Variants in RYR2 observed in about 807,000 individuals in gnomAD.
The protein encoded by RYR2 is cardiac muscle ryanodine receptor-calcium release channel.
In RYR2, 227 loss-of-function variants were observed where a neutral mutation model predicts 601.1. That is an observed-to-expected ratio of 0.38 (90% CI 0.34 to 0.42). The LOEUF (loss-of-function observed/expected upper bound fraction) is 0.42, where lower values mean the gene tolerates loss of function less well. Ranked by LOEUF, RYR2 falls within the 10% of genes least tolerant of loss-of-function variation. The pLI is 1.00. For missense variants in RYR2, 4,646 were observed against 6,156.5 expected (o/e 0.75, Z 8.21); for synonymous variants, 2,223 against 2,175.1 (o/e 1.02, Z -0.61).
At chr1:237,812,960 C>T (rs538603215) in intron 100 of RYR2, among the ~76,000 whole-genome samples, 2 of 151,696 alleles carry the variant, frequency 1.3e-5, no homozygotes, top group Non-Finnish European at 1.5e-5. Context: ...AAGACTGACC[C>T]GTTACTAGTG....
chr1:237,631,774 C>T (rs185595401), intron 42 of RYR2, among the ~76,000 whole-genome samples: 109 of 151,574 alleles, frequency 7.2e-4, no homozygotes, highest in Admixed American at 1.4e-3. Flanking sequence ...ATTAGAGGCG[C>T]CCGCCACCTC....
At chr1:237,709,186 A>G (rs1485080755) in intron 69 of RYR2, 88 bp downstream of exon 69, 10 of 1,240,692 alleles carry the variant, frequency 8.1e-6, no homozygotes, top group African/African-American at 3.0e-5. Context: ...TTCATTCACT[A>G]TTTTGCCATG....
intron 1 of RYR2, among the ~76,000 whole-genome samples, chr1:237,145,234 GA>G (rs1281304596): frequency 2.0e-5 from 3 of 151,164 alleles, no homozygotes; most frequent in East Asian, 3.9e-4. Flanking sequence ...AAAAAAAAAA[GA>G]AAAAAAGAAA....
intron 29 of RYR2, among the ~76,000 whole-genome samples, chr1:237,580,712 G>C (rs1022876269): frequency 9.9e-5 from 15 of 152,078 alleles, no homozygotes; most frequent in African/African-American, 3.4e-4. Flanking sequence ...TTAGAGATGG[G>C]GCCTTTAAAG....
At chr1:237,269,334 C>T (rs985740698) in intron 1 of RYR2, among the ~76,000 whole-genome samples, 13 of 151,664 alleles carry the variant, frequency 8.6e-5, no homozygotes, top group Non-Finnish European at 1.3e-4. Flanking sequence ...TGAGCCACCG[C>T]GCCCGGCCAT....
chr1:237,244,440 A>G (rs924195613), intron 1 of RYR2, among the ~76,000 whole-genome samples: 5 of 152,076 alleles, frequency 3.3e-5, no homozygotes, highest in African/African-American at 1.2e-4. Context: ...TCTATCAGTC[A>G]CGTGTAGAGT....
chr1:237,555,987 C>T (rs1233916259), intron 27 of RYR2, among the ~76,000 whole-genome samples: 3 of 152,110 alleles, frequency 2.0e-5, no homozygotes, highest in African/African-American at 4.8e-5. Context: ...TTCAGTGACA[C>T]ATGATACATT....
At chr1:237,295,796 A>G (rs1467375800) in intron 2 of RYR2, among the ~76,000 whole-genome samples, 1 of 152,184 alleles carries the variant, frequency 6.6e-6, no homozygotes, top group Non-Finnish European at 1.5e-5. Context: ...TTTAAAATAT[A>G]TTTGTTATAT....
intron 10 of RYR2, among the ~76,000 whole-genome samples, chr1:237,416,039 G>T (rs974395601): frequency 6.6e-6 from 1 of 152,166 alleles, no homozygotes. Flanking sequence ...AACAGGTAGG[G>T]AACGGCAGGT....
intron 1 of RYR2, among the ~76,000 whole-genome samples, chr1:237,160,378 G>C (rs1675871527): frequency 6.6e-6 from 1 of 151,926 alleles, no homozygotes; most frequent in African/African-American, 2.4e-5. Flanking sequence ...CTTTAGTATT[G>C]CTTCTAAATT....
At chr1:237,261,174 T>G (rs1017398813) in intron 1 of RYR2, among the ~76,000 whole-genome samples, 5 of 152,230 alleles carry the variant, frequency 3.3e-5, no homozygotes, top group Non-Finnish European at 7.3e-5. Context: ...AACGCATATC[T>G]AGAATTTGAT....
At chr1:237,270,298 C>T in intron 1 of RYR2, 199 bp from the exon 2 acceptor site, 3 of 740,032 alleles carry the variant, frequency 4.1e-6, no homozygotes, top group Non-Finnish European at 7.0e-6. Flanking sequence ...TTCCCCTACT[C>T]AGTTGCCTTT....
Position 237,833,839 on chromosome 1 carries a change from C to T in RYR2, c.*1192C>T, listed in dbSNP as rs530941757. ...TCACTCCATTTTTTCCATTTTGAGTCCTTTTAAATGTAATGCTAACCTTTA... is the reference window on the plus strand; with the variant it reads ...TCACTCCATTTTTTCCATTTTGAGTTCTTTTAAATGTAATGCTAACCTTTA... On this transcript the variant is annotated 3_prime_UTR_variant, in exon 105 of 105. Coordinates refer to ENST00000366574, the MANE Select transcript of RYR2 (RefSeq NM_001035.3). 1 of 152,574 alleles carries T rather than the reference C, an allele frequency of 6.6e-6. No homozygotes were observed. Among genetic ancestry groups the T allele is most frequent in the Non-Finnish European group, 1.5e-5 (1 of 68,020 alleles). 9.5% of individuals were successfully genotyped at this position (152,574 alleles called of 1,614,324 possible). A position where few individuals can be genotyped will look rare whatever the true frequency, so the allele number is the denominator to read the frequency against.
At chr1:237,371,186 C>T (rs1700615250) in intron 6 of RYR2, among the ~76,000 whole-genome samples, 1 of 151,194 alleles carries the variant, frequency 6.6e-6, no homozygotes, top group South Asian at 2.1e-4. Context: ...GAGATAGGGT[C>T]TTGCTGTCAC....
chr1:237,299,899 A>G (rs1693183472), intron 2 of RYR2, among the ~76,000 whole-genome samples: 1 of 152,150 alleles, frequency 6.6e-6, no homozygotes, highest in Admixed American at 6.6e-5. Context: ...TTTAATCTGG[A>G]GTAGTGTTTA....
Position 237,569,158 on chromosome 1 carries a change from A to G in RYR2, c.3437A>G (p.His1146Arg). ...AFDGFKAQRW[H>R]QGNEHYGRSW... ...TCCTCTGTATAGGCCCAGCGGTGGC[A>G]TCAGGGCAATGAACACTATGGGCGC... is the stretch of plus-strand genomic sequence containing the variant. Residue 1146 changes from histidine (H) to arginine (R), a missense_variant, in exon 29 of 105, where the codon CAT (histidine) becomes CGT (arginine). By Grantham distance (29) the His-to-Arg change is conservative. Coordinates refer to ENST00000366574, the MANE Select transcript of RYR2 (RefSeq NM_001035.3). 1.2e-6 allele frequency: 2 copies of G among 1,613,700 alleles called. No individual in the cohort carries two copies. Among genetic ancestry groups the G allele is most frequent in the Non-Finnish European group, 8.5e-7 (1 of 1,179,748 alleles).
rs757750745 is a variant in RYR2, at chr1:237,634,848, G to T, written c.6689-41G>T. 1.4e-5 allele frequency: 21 copies of T among 1,474,202 alleles called. No homozygotes were observed. In the African/African-American group the frequency reaches 2.9e-4, roughly 21 times the overall value. 91.3% of individuals were successfully genotyped at this position (1,474,202 alleles called of 1,614,324 possible). ...TTTTTGTATGGAGTTTATAGTTACA[G>T]CACGATCCAGGTTATATTTCATCTT... On this transcript the variant is annotated intron_variant, in intron 43 of 104. Coordinates refer to ENST00000366574, the MANE Select transcript of RYR2 (RefSeq NM_001035.3).
intron 12 of RYR2, among the ~76,000 whole-genome samples, chr1:237,426,529 C>T (rs1049191605): frequency 6.6e-6 from 1 of 152,104 alleles, no homozygotes; most frequent in Non-Finnish European, 1.5e-5. Context: ...AAAAGTTCAA[C>T]CCACTAAAGA....
At chr1:237,760,873 T>A in intron 83 of RYR2, 82 bp from the exon 84 acceptor site, 1 of 813,236 alleles carries the variant, frequency 1.2e-6, no homozygotes, top group Non-Finnish European at 2.0e-6. Flanking sequence ...CCAAGATATA[T>A]GGTGTTTAGA....
Sources: allele counts gnomAD v4.1 joint callset (sites outside exome capture counted in the v4.1 genomes callset), GRCh38; gene constraint gnomAD v4.1.1; transcripts MANE v1.5; gene names NCBI Gene and HGNC (gene_info 2026-07-23, HGNC 2026-07-21).